Variants in GDF1 observed in about 807,000 individuals in gnomAD.
GDF1 encodes the protein growth differentiation factor 1.
In GDF1, 8 loss-of-function variants were observed where a neutral mutation model predicts 7.4. The observed-to-expected ratio is 1.09, with a 90% CI of 0.64 to 1.96. The LOEUF (loss-of-function observed/expected upper bound fraction) is 1.96. Among genes scored for constraint, GDF1 ranks in the 30% most tolerant of loss-of-function variants. GDF1 has a pLI of 0.00. For missense variants in GDF1, 574 were observed against 551.5 expected (o/e 1.04, Z -0.41); for synonymous variants, 311 against 276.7 (o/e 1.12, Z -1.23).
chr19:18,887,755 A>AG (rs1003876728), intron 2 of GDF1, among the ~76,000 whole-genome samples: 27 of 152,010 alleles, frequency 1.8e-4, no homozygotes, highest in Admixed American at 1.0e-3. Context: ...AAAAAAAAAA[A>AG]AAAAAAATTG....
intron 6 of GDF1, among the ~76,000 whole-genome samples, chr19:18,872,515 ATTTTT>A (rs1006396798): frequency 7.9e-6 from 1 of 125,872 alleles, no homozygotes; most frequent in African/African-American, 3.0e-5. Flanking sequence ...GCCCGGGGTA[ATTTTT>A]TTTTTTTTTT....
chr19:18,882,143 C>T, intron 3 of GDF1: 1 of 154,254 alleles, frequency 6.5e-6, no homozygotes, highest in East Asian at 1.9e-4. Context: ...TTCAAATGAA[C>T]TGTTCCTTCC....
intron 3 of GDF1, among the ~76,000 whole-genome samples, chr19:18,880,939 T>A (rs1366141562): frequency 6.6e-6 from 1 of 152,172 alleles, no homozygotes; most frequent in Non-Finnish European, 1.5e-5. Flanking sequence ...GCTCAAGCGA[T>A]CTTCTCACCT....
intron 2 of GDF1, 52 bp downstream of exon 2, chr19:18,893,364 C>T (rs970979848): frequency 2.7e-5 from 42 of 1,536,464 alleles, no homozygotes; most frequent in Admixed American, 2.2e-4. Context: ...ACAAGCCTGG[C>T]GTCTTTGTGT....
intron 7 of GDF1, 135 bp from the exon 8 acceptor site, chr19:18,869,525 G>C: frequency 8.0e-7 from 1 of 1,252,254 alleles, no homozygotes; most frequent in Non-Finnish European, 1.1e-6. Context: ...GAAGCGGCGG[G>C]GTGGGCTGAT....
intron 6 of GDF1, among the ~76,000 whole-genome samples, chr19:18,871,805 AT>A (rs1279036142): frequency 6.6e-6 from 1 of 152,000 alleles, no homozygotes; most frequent in Non-Finnish European, 1.5e-5. Context: ...TTGTCTTCTG[AT>A]TTTGCCTGTG....
At chr19:18,884,867 C>G (rs1478407699) in intron 2 of GDF1, among the ~76,000 whole-genome samples, 1 of 151,954 alleles carries the variant, frequency 6.6e-6, no homozygotes, top group African/African-American at 2.4e-5. Context: ...GCGCTGGACA[C>G]CATGCCCGGC....
intron 6 of GDF1, among the ~76,000 whole-genome samples, chr19:18,876,077 C>T (rs934028953): frequency 6.6e-6 from 1 of 152,178 alleles, no homozygotes; most frequent in Non-Finnish European, 1.5e-5. Context: ...CTCTGCCTCC[C>T]GAGTTCAAGC....
rs1350293184 is a variant in GDF1 at position 18,884,086 on chromosome 19, C to A, written c.-733+1G>T. 1.2e-6 allele frequency: 2 copies of A among 1,611,528 alleles called. No individual in the cohort carries two copies. The highest frequency in any genetic ancestry group is 1.7e-5 in the Admixed American group (1 of 59,806). ...CCCCTGCCACCCGATCCTGTCCTTA[C>A]CGGAAGGCGTAGGAGGAGACGATGA... On this transcript the variant is annotated splice_donor_variant, in intron 3 of 7. Coordinates refer to ENST00000247005, the MANE Select transcript of GDF1 (RefSeq NM_001492.6). LOFTEE classifies it low-confidence loss of function (5UTR_SPLICE).
chr19:18,879,126 T>C, intron 5 of GDF1, 87 bp from the exon 6 acceptor site: 1 of 1,585,396 alleles, frequency 6.3e-7, no homozygotes, highest in Non-Finnish European at 8.6e-7. Context: ...TCCCGGGCCC[T>C]CCACACGGGC....
At position 18,895,411 on chromosome 19, in the gene GDF1, T is replaced by A. The variant is rs2056600971; in HGVS notation, c.-1074+413A>T. On this transcript the variant is annotated intron_variant, in intron 1 of 7. Coordinates refer to ENST00000247005, the MANE Select transcript of GDF1 (RefSeq NM_001492.6). This position sits in a 1 kb window ranked among gnomAD's most constrained non-coding sequence, Gnocchi z 6.4. The stretch of plus-strand genomic sequence containing the variant: ...TCCCGGTCCTGGGCTTCTCAGTGTC[T>A]GGCTCGGCCCTGCCGGAAAGAGCGC... Among the ~76,000 whole-genome samples the A allele has an allele frequency of 1.3e-5, 2 of 152,058 alleles. No homozygotes were observed. Among genetic ancestry groups the A allele is most frequent in the Admixed American group, 1.3e-4 (2 of 15,286 alleles).
At chr19:18,874,238 G>A (rs1423263959) in intron 6 of GDF1, among the ~76,000 whole-genome samples, 4 of 152,212 alleles carry the variant, frequency 2.6e-5, no homozygotes, top group Non-Finnish European at 4.4e-5. Context: ...GACAGCTGGT[G>A]CCCAGGAACC....
chr19:18,877,219 C>CTT (rs2056074742), intron 6 of GDF1, among the ~76,000 whole-genome samples: 1 of 152,240 alleles, frequency 6.6e-6, no homozygotes, highest in Admixed American at 6.5e-5. Context: ...CATGCCAGCT[C>CTT]TTACCCTGTG....
In GDF1 at chr19:18,868,655, T is replaced by C. The variant is rs1254407319; in HGVS notation, c.1061A>G (p.Asp354Gly). 1 of 1,575,126 alleles carries C rather than the reference T, an allele frequency of 6.3e-7. No homozygotes were observed. The highest frequency in any genetic ancestry group is 1.3e-5 in the African/African-American group (1 of 74,214). The change falls in exon 8 of 8, where the codon GAC becomes GGC. Residue 354 changes from aspartate (D) to glycine (G), a missense_variant. By Grantham distance (94) the Asp-to-Gly change is moderately conservative (BLOSUM62 -1). Coordinates refer to ENST00000247005, the MANE Select transcript of GDF1 (RefSeq NM_001492.6). ...PISVLFFDNSDNVVLRQYEDM... is the reference protein window; with the variant it reads ...PISVLFFDNSGNVVLRQYEDM... ...CTCATACTGCCGCAGCACCACGTTGTCGCTGTTGTCAAAGAAGAGCACGGA... is the reference window on the plus strand; with the variant it reads ...CTCATACTGCCGCAGCACCACGTTGCCGCTGTTGTCAAAGAAGAGCACGGA...
In GDF1 at chr19:18,896,046, C is replaced by T. The variant is rs2056619810; in HGVS notation, c.-1296G>A. The T allele has an allele frequency of 1.0e-6, 1 of 987,736 alleles. No homozygotes were observed. The allele number at this position is 987,736 out of a possible 1,614,324, so 61.2% of individuals were successfully genotyped here. A position where few individuals can be genotyped will look rare whatever the true frequency, so the allele number is the denominator to read the frequency against. ...TCGGCATGGGCTCGGGCCCCGTCGGCCCCGCCGCGGGCCCCGCCGCCGCCA... is the reference window on the plus strand; with the variant it reads ...TCGGCATGGGCTCGGGCCCCGTCGGTCCCGCCGCGGGCCCCGCCGCCGCCA... On this transcript the variant is annotated 5_prime_UTR_variant, in exon 1 of 8. Coordinates refer to ENST00000247005, the MANE Select transcript of GDF1 (RefSeq NM_001492.6). The surrounding 1 kb of genome is among the most constrained non-coding windows in gnomAD (Gnocchi z 5.9).
At position 18,893,650 on chromosome 19, in the gene GDF1, A is replaced by G. The variant is rs1601192943; in HGVS notation, c.-1073-75T>C. On this transcript the variant is annotated intron_variant, in intron 1 of 7. Transcript: ENST00000247005. ...CTGCTCCTTTGGGGTGGGGAAACTG[A>G]GGCCCAGGGACTCCCCAGGCCGGGC... 2.1e-6 allele frequency: 3 copies of G among 1,448,426 alleles called. No homozygotes were observed. The East Asian group carries it at 7.3e-5, about 35-fold the overall frequency. The allele number at this position is 1,448,426 out of a possible 1,614,324, so 89.7% of individuals were successfully genotyped here. A position where few individuals can be genotyped will look rare whatever the true frequency, so the allele number is the denominator to read the frequency against.
Position 18,868,778 on chromosome 19 carries a change from G to C in GDF1, c.938C>G (p.Pro313Arg). The C allele has an allele frequency of 1.4e-6, 2 of 1,468,710 alleles. No individual in the cohort carries two copies. The highest frequency in any genetic ancestry group is 3.1e-5 in the East Asian group (1 of 32,664). The allele number at this position is 1,468,710 out of a possible 1,614,324, so 91.0% of individuals were successfully genotyped here. A position where few individuals can be genotyped will look rare whatever the true frequency, so the allele number is the denominator to read the frequency against. Residue 313 changes from proline (P) to arginine (R), a missense_variant, in exon 8 of 8, where the codon CCG (proline) becomes CGG (arginine). Coordinates refer to ENST00000247005, the MANE Select transcript of GDF1 (RefSeq NM_001492.6). Reference protein sequence around the residue: ...PVALSGSGGPPALNHAVLRAL... With the variant: ...PVALSGSGGPRALNHAVLRAL... ...GCGCAGCACAGCGTGGTTGAGCGCC[G>C]GCGGCCCCCCGGACCCCGACAGCGC...
In GDF1 at chr19:18,896,084, G is replaced by T; in HGVS notation, c.-1334C>A. The T allele has an allele frequency of 2.1e-6, 2 of 935,106 alleles. No individual in the cohort carries two copies. The highest frequency in any genetic ancestry group is 2.5e-6 in the Non-Finnish European group (2 of 786,578). 57.9% of individuals were successfully genotyped at this position (935,106 alleles called of 1,614,324 possible). ...CCCGCCGCCGCCATACCGCCCGCTC[G>T]CCCGCCGTGCCCGTCGCCTGCGCCC... On this transcript the variant is annotated 5_prime_UTR_variant, in exon 1 of 8. Coordinates refer to ENST00000247005, the MANE Select transcript of GDF1 (RefSeq NM_001492.6). The surrounding 1 kb of genome is among the most constrained non-coding windows in gnomAD (Gnocchi z 5.9).
At chr19:18,885,520 T>TTG (rs1568302719) in intron 2 of GDF1, among the ~76,000 whole-genome samples, 42 of 144,850 alleles carry the variant, frequency 2.9e-4, no homozygotes, top group Admixed American at 4.1e-4. Flanking sequence ...CGTTTTTTTT[T>TTG]TTTTTTTTTT....
Sources: gnomAD v4.1 joint callset for allele counts (sites outside exome capture counted in the v4.1 genomes callset) on GRCh38, gnomAD v4.1.1 for gene constraint, Gnocchi (gnomAD v3.1) non-coding constraint, MANE v1.5 for transcripts, NCBI Gene and HGNC (gene_info 2026-07-23, HGNC 2026-07-21) for gene names.